Variants in XKR9 observed in about 807,000 individuals in gnomAD.
XKR9 encodes the protein XK-related protein 9.
In XKR9, 32 loss-of-function variants were observed where a neutral mutation model predicts 32.0. The observed-to-expected ratio is 1.00, with a 90% CI of 0.76 to 1.34. The LOEUF (loss-of-function observed/expected upper bound fraction) is 1.34. Among genes scored for constraint, XKR9 ranks in the 40% most tolerant of loss-of-function variants. The probability of loss-of-function intolerance (pLI) is 0.00; values close to 1 mark genes in which losing one functional copy is unlikely to be tolerated. For synonymous variants in XKR9, 168 were observed against 143.4 expected (o/e 1.17, Z -1.22); for missense variants, 546 against 429.7 (o/e 1.27, Z -2.39).
At chr8:70,714,595 A>T (rs1386250669) in intron 4 of XKR9, among the ~76,000 whole-genome samples, 1 of 152,108 alleles carries the variant, frequency 6.6e-6, no homozygotes, top group Non-Finnish European at 1.5e-5. Context: ...CTTATTGATA[A>T]AATATGCATT....
the XKR9 span, among the ~76,000 whole-genome samples, chr8:70,796,041 C>T: frequency 6.6e-6 from 1 of 150,690 alleles, no homozygotes; most frequent in Admixed American, 6.6e-5. Context: ...TGTTATAGGT[C>T]TATTGAGATT....
chr8:70,707,304 A>T, intron 4 of XKR9, 151 bp downstream of exon 4: 1 of 596,360 alleles, frequency 1.7e-6, no homozygotes, highest in Non-Finnish European at 2.9e-6. Context: ...TGAAATATCA[A>T]AAAGTATATA....
chr8:70,740,084 G>C (rs201166365), downstream of XKR9, among the ~76,000 whole-genome samples: 4 of 152,206 alleles, frequency 2.6e-5, no homozygotes, highest in East Asian at 1.9e-4. Flanking sequence ...GTTCCATTCT[G>C]CCCGTCACTT....
the XKR9 span, among the ~76,000 whole-genome samples, chr8:70,915,549 T>A: frequency 6.6e-6 from 1 of 152,182 alleles, no homozygotes; most frequent in Admixed American, 6.5e-5. Context: ...ACTGCTATAA[T>A]TTTTGCAAAG....
chr8:70,846,965 T>A, the XKR9 span, among the ~76,000 whole-genome samples: 1 of 152,032 alleles, frequency 6.6e-6, no homozygotes, highest in African/African-American at 2.4e-5. Flanking sequence ...ATTCATTGGA[T>A]TTTAACTGTA....
the XKR9 span, among the ~76,000 whole-genome samples, chr8:70,979,053 G>A: frequency 5.3e-5 from 8 of 151,826 alleles, no homozygotes; most frequent in South Asian, 2.1e-4. Flanking sequence ...TACATGCATC[G>A]CGTAGTTCTC....
the XKR9 span, among the ~76,000 whole-genome samples, chr8:71,000,304 G>T: frequency 0.32 from 48,480 of 152,042 alleles, 9,074 homozygotes; most frequent in Non-Finnish European, 0.43. Flanking sequence ...GTGGGGACAA[G>T]ACATTAATAG....
chr8:70,923,265 T>C, the XKR9 span, among the ~76,000 whole-genome samples: 6 of 152,258 alleles, frequency 3.9e-5, no homozygotes, highest in Non-Finnish European at 8.8e-5. Flanking sequence ...CAATGCTTGT[T>C]TCCTCCATGA....
intron 2 of XKR9, among the ~76,000 whole-genome samples, chr8:70,778,537 G>T (rs1586894946): frequency 1.3e-5 from 2 of 152,122 alleles, no homozygotes; most frequent in East Asian, 1.9e-4. Flanking sequence ...ATTACTTTGG[G>T]CAGTATGACC....
chr8:70,794,765 A>G (rs1476091122), downstream of XKR9, among the ~76,000 whole-genome samples: 4 of 149,690 alleles, frequency 2.7e-5, no homozygotes, highest in Admixed American at 2.7e-4. Flanking sequence ...ATTGGCTAGT[A>G]TTTTGTTAAG....
chr8:70,900,465 T>C, the XKR9 span, among the ~76,000 whole-genome samples: 1 of 152,020 alleles, frequency 6.6e-6, no homozygotes, highest in African/African-American at 2.4e-5. Flanking sequence ...GGTGGGTGCC[T>C]GTAATCCCAG....
At chr8:70,997,398 T>C in the XKR9 span, among the ~76,000 whole-genome samples, 1 of 152,206 alleles carries the variant, frequency 6.6e-6, no homozygotes, top group Admixed American at 6.5e-5. Flanking sequence ...ATGTTAAACT[T>C]ATATTAAACA....
chr8:70,711,125 A>T (rs934805194), intron 4 of XKR9, among the ~76,000 whole-genome samples: 1 of 152,214 alleles, frequency 6.6e-6, no homozygotes, highest in African/African-American at 2.4e-5. Flanking sequence ...AAAAAATAGC[A>T]GATGTAGGTG....
At chr8:70,683,564 T>A (rs994930609) in intron 3 of XKR9, 4 of 452,292 alleles carry the variant, frequency 8.8e-6, no homozygotes, top group African/African-American at 8.0e-5. Flanking sequence ...CCCAGCTCAT[T>A]GCAGCCTCCA....
At position 70,698,740 on chromosome 8, in the gene XKR9, C is replaced by T. The variant is rs1005052190; in HGVS notation, c.273-8193C>T. ...GCTGAGTTCAATTCCTGGGTATCCTCGTTAACTTTCTGTCTTGTTGATCTG... is the reference window on the plus strand; with the variant it reads ...GCTGAGTTCAATTCCTGGGTATCCTTGTTAACTTTCTGTCTTGTTGATCTG... On this transcript the variant is annotated intron_variant, in intron 3 of 4. Coordinates refer to ENST00000408926, the MANE Select transcript of XKR9 (RefSeq NM_001011720.2). Among the ~76,000 whole-genome samples the T allele has an allele frequency of 8.9e-3, 1,349 of 150,778 alleles. 13 individuals carry two copies. The highest frequency in any genetic ancestry group is 0.026 in the African/African-American group (1,081 of 41,164).
At chr8:70,898,347 T>A in the XKR9 span, among the ~76,000 whole-genome samples, 12,790 of 152,260 alleles carry the variant, frequency 0.084, 610 homozygotes, top group African/African-American at 0.098. Context: ...AAGTTATGTA[T>A]TGTGATTCCT....
the XKR9 span, among the ~76,000 whole-genome samples, chr8:70,927,074 T>A: frequency 6.6e-6 from 1 of 152,152 alleles, no homozygotes; most frequent in African/African-American, 2.4e-5. Flanking sequence ...ATGTATCTTA[T>A]ACATAAATAT....
chr8:70,958,125 A>T, the XKR9 span, among the ~76,000 whole-genome samples: 1 of 152,048 alleles, frequency 6.6e-6, no homozygotes. Context: ...GGTTGATTCT[A>T]TGTCTTTGCT....
chr8:70,760,195 T>C (rs1807289120), intron 2 of XKR9, among the ~76,000 whole-genome samples: 1 of 152,182 alleles, frequency 6.6e-6, no homozygotes, highest in South Asian at 2.1e-4. Flanking sequence ...CCCATTCTTA[T>C]TCAGTTTACT....
Sources: gnomAD v4.1 joint callset for allele counts (sites outside exome capture counted in the v4.1 genomes callset) on GRCh38, gnomAD v4.1.1 for gene constraint, MANE v1.5 for transcripts, NCBI Gene and HGNC (gene_info 2026-07-23, HGNC 2026-07-21) for gene names.